Variants in GABRB1 observed in about 807,000 individuals in gnomAD.
The protein encoded by GABRB1 is gamma-aminobutyric acid receptor subunit beta-1.
A neutral mutation model predicts 51.6 loss-of-function variants in GABRB1; 17 were observed. That is an observed-to-expected ratio of 0.33 (90% CI 0.23 to 0.49). The LOEUF (loss-of-function observed/expected upper bound fraction) is 0.49, where lower values mean the gene tolerates loss of function less well. Among genes scored for constraint, GABRB1 ranks in the 20% least tolerant of loss-of-function variants. The probability of loss-of-function intolerance (pLI) is 0.99; values close to 1 mark genes in which losing one functional copy is unlikely to be tolerated. For missense variants in GABRB1, 410 were observed against 600.6 expected, an observed-to-expected ratio of 0.68 and a Z score of 3.32; for synonymous variants, 247 against 218.9, an observed-to-expected ratio of 1.13 and a Z score of -1.14.
intron 5 of GABRB1, among the ~76,000 whole-genome samples, chr4:47,383,689 G>C (rs1727673302): frequency 1.3e-5 from 2 of 152,054 alleles, no homozygotes. Flanking sequence ...AAAATAGCGG[G>C]CATATGAGCT....
intron 4 of GABRB1, among the ~76,000 whole-genome samples, chr4:47,286,876 GAT>G (rs2109915931): frequency 6.6e-6 from 1 of 152,260 alleles, no homozygotes; most frequent in South Asian, 2.1e-4. Flanking sequence ...ATCATCAATT[GAT>G]AACTATGATG....
In GABRB1 at chr4:47,295,687, G is replaced by A. The variant is rs1443481029; in HGVS notation, c.462-24440G>A. ...GAACCAAGTTAGAAAACACTTTGCA[G>A]GATATTATCCAGGAGAAAGTCCTCA... On this transcript the variant is annotated intron_variant, in intron 4 of 8. Transcript: ENST00000295454. Among the ~76,000 whole-genome samples, 4 of 152,198 alleles carry A rather than the reference G, an allele frequency of 2.6e-5. No homozygotes were observed. In the East Asian group the frequency reaches 7.7e-4, roughly 29 times the overall value.
intron 4 of GABRB1, among the ~76,000 whole-genome samples, chr4:47,209,533 A>G (rs1049602121): frequency 6.6e-5 from 10 of 152,150 alleles, no homozygotes; most frequent in African/African-American, 2.2e-4. Context: ...CCATGTAACT[A>G]CAATAACACT....
Position 47,161,406 on chromosome 4 carries a change from G to C in GABRB1, c.398G>C (p.Gly133Ala). 1 of 1,612,628 alleles carries C rather than the reference G, an allele frequency of 6.2e-7. No individual in the cohort carries two copies. The highest frequency in any genetic ancestry group is 8.5e-7 in the Non-Finnish European group (1 of 1,179,206). The stretch of plus-strand genomic sequence containing the variant: ...AATGACAAGAAATCATTTGTGCATG[G>C]GGTCACAGTGAAAAATCGAATGATT... ...FLNDKKSFVHGVTVKNRMIRL... is the reference protein window; with the variant it reads ...FLNDKKSFVHAVTVKNRMIRL... Residue 133 changes from glycine (G) to alanine (A), a missense_variant, in exon 4 of 9, where the codon GGG becomes GCG. Transcript: ENST00000295454.
chr4:47,185,065 C>T (rs1203109154), intron 4 of GABRB1, among the ~76,000 whole-genome samples: 2 of 151,768 alleles, frequency 1.3e-5, no homozygotes, highest in Admixed American at 1.3e-4. Context: ...ATAAATGTAT[C>T]TTTAATTTTA....
rs111920929 is a variant in GABRB1, at chr4:47,123,221, A to G, written c.241-38028A>G. ...TACAAAAGGTACTATTCTGGGCTAG[A>G]GACGAAATAAATCCAGTTCTTATAC... On this transcript the variant is annotated intron_variant, in intron 3 of 8. Transcript: ENST00000295454. Among the ~76,000 whole-genome samples the G allele has an allele frequency of 7.6e-3, 1,126 of 148,254 alleles. 13 individuals carry two copies. Among genetic ancestry groups the G allele is most frequent in the African/African-American group, 0.026 (1,055 of 40,144 alleles).
At chr4:47,255,480 T>C (rs1722164266) in intron 4 of GABRB1, among the ~76,000 whole-genome samples, 1 of 152,218 alleles carries the variant, frequency 6.6e-6, no homozygotes, top group Admixed American at 6.5e-5. Context: ...TAAAGTTAAT[T>C]TGTTATCAAT....
At chr4:47,029,910 C>G (rs1369352404), upstream of GABRB1, among the ~76,000 whole-genome samples, 1 of 152,074 alleles carries the variant, frequency 6.6e-6, no homozygotes, top group African/African-American at 2.4e-5. Context: ...GATTCAGTTT[C>G]TATATAGCAC....
intron 4 of GABRB1, among the ~76,000 whole-genome samples, chr4:47,208,902 A>G (rs1485449038): frequency 6.6e-6 from 1 of 152,122 alleles, no homozygotes; most frequent in Admixed American, 6.6e-5. Flanking sequence ...CAGTGTTAAA[A>G]GCTAAATATT....
Position 47,254,361 on chromosome 4 carries a change from G to GTTTTTTTTTT in GABRB1, c.462-65744_462-65735dup, listed in dbSNP as rs56838956. 4.6e-4 allele frequency among the ~76,000 whole-genome samples: 37 copies of GTTTTTTTTTT among 80,962 alleles called. 3 individuals carry two copies. The highest frequency in any genetic ancestry group is 1.7e-3 in the African/African-American group (33 of 19,286). 53.1% of individuals were successfully genotyped at this position (80,962 alleles called of 152,430 possible). A position where few individuals can be genotyped will look rare whatever the true frequency, so the allele number is the denominator to read the frequency against. On this transcript the variant is annotated intron_variant, in intron 4 of 8. Coordinates refer to ENST00000295454, the MANE Select transcript of GABRB1 (RefSeq NM_000812.4). Reference sequence around the variant, plus strand: ...ATGGTGGATGATGTTTCTTTTCTTTGTTTTTTTTTTTTTTTTTTTTTTTTT... The same window carrying GTTTTTTTTTT: ...ATGGTGGATGATGTTTCTTTTCTTTGTTTTTTTTTTTTTTTTTTTTTTTTTTTTTTTTTTT...
intron 3 of GABRB1, among the ~76,000 whole-genome samples, chr4:47,058,224 C>T (rs953486935): frequency 3.9e-5 from 6 of 152,184 alleles, no homozygotes; most frequent in Middle Eastern, 3.4e-3. Flanking sequence ...GCAGAAGGGT[C>T]GGTCCATCAT....
At chr4:47,326,301 C>T (rs1050012300) in intron 5 of GABRB1, among the ~76,000 whole-genome samples, 2 of 152,120 alleles carry the variant, frequency 1.3e-5, no homozygotes, top group African/African-American at 4.8e-5. Flanking sequence ...GTCACAGTGC[C>T]TACGTCATTC....
intron 4 of GABRB1, among the ~76,000 whole-genome samples, chr4:47,187,059 G>C (rs1350099184): frequency 6.6e-6 from 1 of 151,912 alleles, no homozygotes; most frequent in Admixed American, 6.6e-5. Flanking sequence ...GAAGCAGTAT[G>C]ATGAAGCTCT....
chr4:47,200,653 C>A (rs1719863271), intron 4 of GABRB1, among the ~76,000 whole-genome samples: 1 of 152,076 alleles, frequency 6.6e-6, no homozygotes, highest in Non-Finnish European at 1.5e-5. Context: ...GAATTTATAA[C>A]CTCTTTCTAG....
chr4:47,151,447 A>G (rs753183883), intron 3 of GABRB1, among the ~76,000 whole-genome samples: 3 of 152,042 alleles, frequency 2.0e-5, no homozygotes, highest in Non-Finnish European at 4.4e-5. Context: ...TTTGATATAA[A>G]CTTGATTTAA....
chr4:47,334,219 G>A (rs1179757596), intron 5 of GABRB1, among the ~76,000 whole-genome samples: 1 of 152,162 alleles, frequency 6.6e-6, no homozygotes, highest in African/African-American at 2.4e-5. Flanking sequence ...AAAATCTGGA[G>A]TCAGCATAAA....
At chr4:47,303,861 ACTT>A (rs1433318518) in intron 4 of GABRB1, among the ~76,000 whole-genome samples, 1 of 151,908 alleles carries the variant, frequency 6.6e-6, no homozygotes, top group Non-Finnish European at 1.5e-5. Flanking sequence ...TCTATTCTCT[ACTT>A]CTATGACTTT....
intron 1 of GABRB1, 24 bp downstream of exon 1, chr4:47,031,755 G>GCTCTCT: frequency 4.1e-6 from 2 of 483,832 alleles, no homozygotes; most frequent in South Asian, 3.4e-5. Context: ...GTTGAATCTC[G>GCTCTCT]CTCTCTCTCT....
intron 1 of GABRB1, among the ~76,000 whole-genome samples, chr4:46,994,967 C>T (rs1220203554): frequency 1.3e-5 from 2 of 152,138 alleles, no homozygotes; most frequent in African/African-American, 4.8e-5. Context: ...CCAAAGTGCT[C>T]ATCGTGGGCA....
Sources: gnomAD v4.1 joint callset for allele counts (sites outside exome capture counted in the v4.1 genomes callset) on GRCh38, gnomAD v4.1.1 for gene constraint, MANE v1.5 for transcripts, NCBI Gene and HGNC (gene_info 2026-07-23, HGNC 2026-07-21) for gene names.